AMOT: variants seen among roughly 807,000 people sequenced by gnomAD.
The protein encoded by AMOT is angiomotin.
A neutral mutation model predicts 67.0 loss-of-function variants in AMOT; 11 were observed. The ratio of observed to expected loss-of-function variants is 0.16; its 90% CI spans 0.10 to 0.27. AMOT has a LOEUF of 0.27. Among genes scored for constraint, AMOT ranks in the 10% least tolerant of loss-of-function variants. The pLI is 1.00. For missense variants in AMOT, 753 were observed against 852.0 expected, an observed-to-expected ratio of 0.88 and a Z score of 1.45; for synonymous variants, 326 against 321.4, an observed-to-expected ratio of 1.01 and a Z score of -0.15.
chrX:112,813,746 G>C (rs1230452089), intron 5 of AMOT, among the ~76,000 whole-genome samples: 2 of 111,866 alleles, frequency 1.8e-5, no homozygotes, highest in Non-Finnish European at 3.8e-5. Context: ...CATGAAGAGA[G>C]AGTTTGGAGA....
rs774399450 is a variant in AMOT, at chrX:112,802,286, CA to C, written c.1776+2660del. ...TGAAGACTGAGTCACAGCAGCAAAG[CA>C]AAACTTTAATTAGCAATTTCCTATA... is the stretch of plus-strand genomic sequence containing the variant. On this transcript the variant is annotated intron_variant, in intron 8 of 13. Coordinates refer to ENST00000371959, the MANE Select transcript of AMOT (RefSeq NM_001113490.2). 2.7e-4 allele frequency among the ~76,000 whole-genome samples: 30 copies of C among 112,073 alleles called. 1 individual carries two copies. The South Asian group carries it at 0.011, about 40-fold the overall frequency.
intron 11 of AMOT, among the ~76,000 whole-genome samples, chrX:112,781,928 G>A (rs944589828): frequency 9.0e-6 from 1 of 111,583 alleles, no homozygotes; most frequent in Non-Finnish European, 1.9e-5. Flanking sequence ...TAGCTCTGTC[G>A]CTCAGGCTGG....
intron 8 of AMOT, among the ~76,000 whole-genome samples, chrX:112,796,527 T>G (rs1933823716): frequency 8.9e-6 from 1 of 112,162 alleles, no homozygotes; most frequent in Non-Finnish European, 1.9e-5. Context: ...ATCCTTCATC[T>G]ATTAAAGTTT....
At chrX:112,826,917 G>T (rs924348626) in intron 2 of AMOT, among the ~76,000 whole-genome samples, 1 of 112,081 alleles carries the variant, frequency 8.9e-6, no homozygotes, top group African/African-American at 3.2e-5. Flanking sequence ...GAGTGCAGTG[G>T]TGGGATCTCG....
chrX:112,818,100 A>C (rs1371654928), intron 4 of AMOT, among the ~76,000 whole-genome samples: 4 of 111,502 alleles, frequency 3.6e-5, no homozygotes, highest in Non-Finnish European at 7.5e-5. Context: ...TCAAATTTTA[A>C]GGGAAAAAAA....
intron 7 of AMOT, among the ~76,000 whole-genome samples, chrX:112,809,635 C>A (rs1934293159): frequency 2.7e-5 from 3 of 110,879 alleles, no homozygotes; most frequent in African/African-American, 1.0e-4. Flanking sequence ...ATGACACTAG[C>A]AGGGATTTCA....
chrX:112,821,035 C>G (rs1476931420), intron 4 of AMOT, among the ~76,000 whole-genome samples: 1 of 104,636 alleles, frequency 9.6e-6, no homozygotes, highest in African/African-American at 3.7e-5. Context: ...AAAACAGGAC[C>G]TGCAGGGGAA....
intron 4 of AMOT, among the ~76,000 whole-genome samples, chrX:112,819,128 C>G (rs1569403639): frequency 9.0e-6 from 1 of 111,626 alleles, no homozygotes; most frequent in Non-Finnish European, 1.9e-5. Context: ...AAAAGCCACT[C>G]TACCCAGCTG....
intron 1 of AMOT, among the ~76,000 whole-genome samples, chrX:112,834,068 T>C (rs912773418): frequency 8.9e-6 from 1 of 112,131 alleles, no homozygotes; most frequent in Non-Finnish European, 1.9e-5. Flanking sequence ...TTTTATTCCC[T>C]TAAAAATAAT....
At position 112,815,778 on chromosome X, in the gene AMOT, T is replaced by C. The variant is rs1934534210; in HGVS notation, c.972A>G (p.Gln324=). Residue 324 remains glutamine, a synonymous_variant, in exon 5 of 14, where the codon CAA becomes CAG. Transcript: ENST00000371959. ...GAGACAATCTAGTGGATGGTGGAGA[T>C]TGTAGCAAGGGCAAGGACCCCCCAG... ...LTSGGSLPLL[Q]SPPSTRLSPA... is the part of the protein sequence containing the mutation. 3 of 1,166,446 alleles carry C rather than the reference T, an allele frequency of 2.6e-6. No individual in the cohort carries two copies. Among genetic ancestry groups the C allele is most frequent in the Non-Finnish European group, 2.3e-6 (2 of 872,688 alleles).
chrX:112,805,882 AT>A (rs768180979), intron 7 of AMOT, among the ~76,000 whole-genome samples: 4 of 112,179 alleles, frequency 3.6e-5, no homozygotes, highest in African/African-American at 6.5e-5. Flanking sequence ...AAAGGCAGCC[AT>A]TTCACCTGAA....
intron 5 of AMOT, among the ~76,000 whole-genome samples, chrX:112,814,970 TA>T (rs1177247318): frequency 8.9e-6 from 1 of 112,157 alleles, no homozygotes; most frequent in African/African-American, 3.2e-5. Flanking sequence ...TTCAAATTCA[TA>T]TTTGGGAAAA....
intron 3 of AMOT, among the ~76,000 whole-genome samples, chrX:112,824,825 A>G (rs184792110): frequency 4.4e-4 from 48 of 108,871 alleles, no homozygotes; most frequent in African/African-American, 1.7e-3. Flanking sequence ...AGAGATGACT[A>G]CCAAATTACT....
At chrX:112,815,263 G>C in intron 5 of AMOT, 95 bp downstream of exon 5, 1 of 1,047,675 alleles carries the variant, frequency 9.5e-7, no homozygotes, top group Non-Finnish European at 1.3e-6. Flanking sequence ...CACAAGTAAT[G>C]CTGGGATTCA....
intron 4 of AMOT, 107 bp from the exon 5 acceptor site, chrX:112,815,984 T>TG: frequency 2.9e-6 from 3 of 1,047,378 alleles, no homozygotes; most frequent in Non-Finnish European, 3.8e-6. Context: ...CCAGGACACC[T>TG]GCAAAATGAA....
At chrX:112,788,977 G>A (rs1933477230) in intron 10 of AMOT, among the ~76,000 whole-genome samples, 1 of 110,772 alleles carries the variant, frequency 9.0e-6, no homozygotes, top group Non-Finnish European at 1.9e-5. Context: ...AGGAAGGAGG[G>A]TAGTTTCTTT....
chrX:112,801,232 G>C (rs878866504), intron 8 of AMOT, among the ~76,000 whole-genome samples: 1 of 111,479 alleles, frequency 9.0e-6, no homozygotes, highest in Admixed American at 9.6e-5. Context: ...AGGGGGTGGG[G>C]AGGCTGTCTT....
In AMOT at chrX:112,823,013, G is replaced by C. The variant is rs913284846; in HGVS notation, c.114C>G (p.His38Gln). 4 of 1,165,584 alleles carry C rather than the reference G, an allele frequency of 3.4e-6. No individual in the cohort carries two copies. In the African/African-American group the frequency reaches 7.2e-5, roughly 21 times the overall value. ...PSENRSLLAI[H>Q]QQATGNGPPF... ...GAGGGCCATTCCCTGTGGCTTGCTG[G>C]TGTATGGCAAGCAGGCTGCGATTCT... The change falls in exon 4 of 14, where the codon CAC (histidine) becomes CAG (glutamine). Residue 38 changes from histidine (H) to glutamine (Q), a missense_variant. Physicochemically the swap from His to Gln is conservative, Grantham distance 24. This residue lies in a region of AMOT where 118 missense variants were observed against 125.9 expected (regional missense o/e 0.94). Coordinates refer to ENST00000371959, the MANE Select transcript of AMOT (RefSeq NM_001113490.2).
At chrX:112,808,907 G>GA (rs1934269839) in intron 7 of AMOT, among the ~76,000 whole-genome samples, 1 of 112,132 alleles carries the variant, frequency 8.9e-6, no homozygotes, top group Admixed American at 9.4e-5. Flanking sequence ...AAAAGAAAAA[G>GA]AAAAAACCTG....
Sources: allele counts gnomAD v4.1 joint callset (sites outside exome capture counted in the v4.1 genomes callset), GRCh38; gene constraint gnomAD v4.1.1; regional missense constraint gnomAD v4.1.1; transcripts MANE v1.5; gene names NCBI Gene and HGNC (gene_info 2026-07-23, HGNC 2026-07-21).